The following COL6A5 variants were observed in gnomAD, a reference collection of about 807,000 sequenced individuals.
The protein encoded by COL6A5 is collagen alpha-5(VI) chain.
COL6A5 carries 48 observed loss-of-function variants against 65.6 expected under a neutral mutation model. That is an observed-to-expected ratio of 0.73 (90% CI 0.58 to 0.93). COL6A5 has a LOEUF of 0.93. COL6A5 is among the 40% of genes least tolerant of loss of function. COL6A5 has a pLI of 0.00. For missense variants in COL6A5, 914 were observed against 928.3 expected (o/e 0.98, Z 0.20); for synonymous variants, 291 against 322.8 (o/e 0.90, Z 1.05).
intron 1 of COL6A5, among the ~76,000 whole-genome samples, chr3:130,432,795 G>A (rs1218795466): frequency 3.3e-5 from 5 of 152,206 alleles, no homozygotes; most frequent in Admixed American, 1.3e-4. Context: ...AACCCCTATG[G>A]TGGTGCAAAA....
intron 4 of COL6A5, among the ~76,000 whole-genome samples, chr3:130,455,118 TGACCCTGTCTCAAAAGAGCAA>T (rs1199230740): frequency 6.6e-6 from 1 of 150,652 alleles, no homozygotes; most frequent in Non-Finnish European, 1.5e-5. Flanking sequence ...CCAGCCTGGG[TGACCCTGTCTCAAAAGAGCAA>T]GACCCTGTCT....
At chr3:130,387,018 T>C (rs140050726) in intron 5 of COL6A5, among the ~76,000 whole-genome samples, 23 of 152,164 alleles carry the variant, frequency 1.5e-4, no homozygotes, top group African/African-American at 4.3e-4. Flanking sequence ...TCTTACATAA[T>C]AGTTTAGGGT....
chr3:130,401,023 C>A lies in COL6A5; in HGVS notation c.3992-8C>A. The A allele has an allele frequency of 6.5e-7, 1 of 1,527,706 alleles. No homozygotes were observed. The highest frequency in any genetic ancestry group is 8.8e-7 in the Non-Finnish European group (1 of 1,139,988). 94.6% of individuals were successfully genotyped at this position (1,527,706 alleles called of 1,614,324 possible). On this transcript the variant is annotated splice_region_variant and splice_polypyrimidine_tract_variant and intron_variant and NMD_transcript_variant, in intron 10 of 41. Transcript: ENST00000312481. ...TGCTTTATTTATATTGTGGTTTTTA[C>A]CACATAGGACTTGATGCTCTGCTGG...
intron 1 of COL6A5, among the ~76,000 whole-genome samples, chr3:130,346,782 A>G (rs1234630410): frequency 6.6e-6 from 1 of 152,220 alleles, no homozygotes; most frequent in Non-Finnish European, 1.5e-5. Flanking sequence ...TTGTTCTGAA[A>G]TTAATCATTG....
intron 17 of COL6A5, among the ~76,000 whole-genome samples, chr3:130,407,450 T>C (rs1296722910): frequency 6.6e-6 from 1 of 152,218 alleles, no homozygotes; most frequent in Non-Finnish European, 1.5e-5. Context: ...GACGATACTT[T>C]GCAGATGACA....
At chr3:130,411,726 C>T (rs1193405265) in intron 20 of COL6A5, among the ~76,000 whole-genome samples, 1 of 152,102 alleles carries the variant, frequency 6.6e-6, no homozygotes, top group Non-Finnish European at 1.5e-5. Context: ...TTATAACTGA[C>T]ACATCAATGA....
chr3:130,430,178 C>T (rs575078872), upstream of COL6A5, among the ~76,000 whole-genome samples: 9 of 152,240 alleles, frequency 5.9e-5, no homozygotes, highest in South Asian at 4.1e-4. Context: ...TCTTTAAGCT[C>T]GGTGCAAGTT....
chr3:130,385,190 G>C (rs755423731), exon 5 of COL6A5: 1 of 1,551,038 alleles, frequency 6.4e-7, no homozygotes, highest in South Asian at 1.2e-5. Context: ...CGTGGAACCT[G>C]CTAAGAGACT....
At chr3:130,391,442 G>T (rs745425697) in exon 7 of COL6A5, 3 of 1,551,600 alleles carry the variant, frequency 1.9e-6, no homozygotes, top group African/African-American at 1.4e-5. Context: ...CACCTACACT[G>T]CCAAGGCTCT....
intron 1 of COL6A5, among the ~76,000 whole-genome samples, chr3:130,436,019 C>T (rs1303396136): frequency 2.6e-5 from 4 of 151,878 alleles, no homozygotes; most frequent in Non-Finnish European, 5.9e-5. Context: ...CTCCTGGATC[C>T]AATCTCAAGT....
chr3:130,417,090 C>G (rs1937366415), intron 24 of COL6A5, among the ~76,000 whole-genome samples: 1 of 151,676 alleles, frequency 6.6e-6, no homozygotes, highest in Non-Finnish European at 1.5e-5. Context: ...TCCTTGGCCC[C>G]CACCCCCCGA....
chr3:130,467,028 A>G (rs1709834389), intron 5 of COL6A5, among the ~76,000 whole-genome samples: 1 of 152,048 alleles, frequency 6.6e-6, no homozygotes, highest in African/African-American at 2.4e-5. Flanking sequence ...TAAGGAAGAA[A>G]TAATACCAAT....
chr3:130,480,503 A>T (rs1054790747), intron 7 of COL6A5, among the ~76,000 whole-genome samples: 13 of 152,152 alleles, frequency 8.5e-5, no homozygotes, highest in African/African-American at 3.1e-4. Flanking sequence ...AATGAACACT[A>T]TAAACTATCT....
rs548666565 is a variant in COL6A5 at position 130,383,669 on chromosome 3, A to G, written c.1301-1135A>G. Among the ~76,000 whole-genome samples, 13 of 152,224 alleles carry G rather than the reference A, an allele frequency of 8.5e-5. No individual in the cohort carries two copies. In the South Asian group the frequency reaches 1.7e-3, roughly 19 times the overall value. ...GTGGGCTGAAGTAGTGTCAGTAGCT[A>G]TAAATTACCTAAGAGCTGTCAAGAA... On this transcript the variant is annotated intron_variant and NMD_transcript_variant, in intron 4 of 41. Coordinates refer to the COL6A5 transcript ENST00000312481.
At chr3:130,396,769 C>T (rs1004049884) in intron 8 of COL6A5, among the ~76,000 whole-genome samples, 7 of 152,232 alleles carry the variant, frequency 4.6e-5, no homozygotes, top group Admixed American at 6.5e-5. Flanking sequence ...CCACTTGAAT[C>T]ATTTATCTTA....
At position 130,403,605 on chromosome 3, in the gene COL6A5, C is replaced by T. The variant is rs924773951; in HGVS notation, c.4228-4C>T. On this transcript the variant is annotated splice_polypyrimidine_tract_variant and splice_region_variant and intron_variant and NMD_transcript_variant, in intron 12 of 41. Transcript: ENST00000312481. ...AAAATGTATTGTTCTCTCTTTCTTC[C>T]CAGGGTTCTCAAGGTCTGAAAGGCA... 1.3e-6 allele frequency: 2 copies of T among 1,550,580 alleles called. No homozygotes were observed. The highest frequency in any genetic ancestry group is 2.4e-5 in the East Asian group (1 of 40,916).
chr3:130,467,377 T>A (rs1709841718), intron 5 of COL6A5, among the ~76,000 whole-genome samples: 1 of 151,980 alleles, frequency 6.6e-6, no homozygotes, highest in South Asian at 2.1e-4. Context: ...TAACACCAGT[T>A]AACAATAATT....
chr3:130,408,146 T>G (rs763972752), intron 17 of COL6A5, among the ~76,000 whole-genome samples: 1 of 152,168 alleles, frequency 6.6e-6, no homozygotes, highest in Non-Finnish European at 1.5e-5. Flanking sequence ...AAAGTCTGAC[T>G]GCCTGCGGGG....
intron 5 of COL6A5, among the ~76,000 whole-genome samples, chr3:130,462,804 A>G (rs1042975817): frequency 6.6e-6 from 1 of 152,112 alleles, no homozygotes; most frequent in African/African-American, 2.4e-5. Context: ...AGGAACAGCC[A>G]TTGGCTGAGA....
Sources: gnomAD v4.1 joint callset for allele counts (sites outside exome capture counted in the v4.1 genomes callset) on GRCh38, gnomAD v4.1.1 for gene constraint, MANE v1.5 for transcripts, NCBI Gene and HGNC (gene_info 2026-07-23, HGNC 2026-07-21) for gene names.